GPC5: variants seen among roughly 807,000 people sequenced by gnomAD.
GPC5 encodes the protein glypican 5, also known as glypican-5.
Under a neutral mutation model 53.9 loss-of-function variants are expected in GPC5, and 47 were observed. That is an observed-to-expected ratio of 0.87 (90% CI 0.69 to 1.11). The LOEUF (loss-of-function observed/expected upper bound fraction) is 1.11. Ranked by LOEUF, GPC5 falls within the 50% of genes most tolerant of loss-of-function variation. The probability of loss-of-function intolerance (pLI) is 0.00; values close to 1 mark genes in which losing one functional copy is unlikely to be tolerated. For synonymous variants in GPC5, 286 were observed against 263.3 expected, an observed-to-expected ratio of 1.09 and a Z score of -0.84; for missense variants, 748 against 713.1, an observed-to-expected ratio of 1.05 and a Z score of -0.56.
chr13:92,020,705 A>G (rs1218203696), intron 6 of GPC5, among the ~76,000 whole-genome samples: 1 of 123,300 alleles, frequency 8.1e-6, no homozygotes, highest in Non-Finnish European at 1.7e-5. Flanking sequence ...TTTTACTATT[A>G]TGAACTTCTC....
intron 5 of GPC5, among the ~76,000 whole-genome samples, chr13:91,859,909 G>A (rs1230579805): frequency 6.6e-6 from 1 of 151,596 alleles, no homozygotes; most frequent in Non-Finnish European, 1.5e-5. Flanking sequence ...CTGTGTTATT[G>A]CCATTTTATT....
chr13:91,523,866 G>C (rs1254713288), intron 2 of GPC5, among the ~76,000 whole-genome samples: 1 of 151,774 alleles, frequency 6.6e-6, no homozygotes, highest in African/African-American at 2.4e-5. Context: ...CATAATACGA[G>C]TCACTCAAAA....
chr13:91,838,393 C>T (rs1318616964), intron 5 of GPC5, among the ~76,000 whole-genome samples: 1 of 152,052 alleles, frequency 6.6e-6, no homozygotes, highest in Non-Finnish European at 1.5e-5. Context: ...ATTTTCATAA[C>T]ACCCCTACAG....
At chr13:92,399,041 T>C (rs903115571) in intron 7 of GPC5, among the ~76,000 whole-genome samples, 8 of 152,214 alleles carry the variant, frequency 5.3e-5, no homozygotes, top group Admixed American at 4.6e-4. Flanking sequence ...CTTTCTAAAC[T>C]AGAGCTCTGC....
chr13:92,601,016 G>A (rs1040351759), intron 7 of GPC5, among the ~76,000 whole-genome samples: 1 of 152,038 alleles, frequency 6.6e-6, no homozygotes, highest in Non-Finnish European at 1.5e-5. Context: ...ATAATCTCTT[G>A]CAGGATGATT....
intron 7 of GPC5, among the ~76,000 whole-genome samples, chr13:92,786,021 T>C (rs1198278236): frequency 1.3e-5 from 2 of 152,228 alleles, no homozygotes; most frequent in East Asian, 1.9e-4. Flanking sequence ...TGTCAAAATA[T>C]GGATAGTACA....
intron 2 of GPC5, among the ~76,000 whole-genome samples, chr13:91,464,023 A>C (rs1474717088): frequency 6.6e-6 from 1 of 152,152 alleles, no homozygotes; most frequent in Non-Finnish European, 1.5e-5. Context: ...AGAATATATT[A>C]AAAATTCAAC....
At chr13:91,686,831 G>T (rs2139770853) in intron 2 of GPC5, among the ~76,000 whole-genome samples, 1 of 152,076 alleles carries the variant, frequency 6.6e-6, no homozygotes, top group African/African-American at 2.4e-5. Flanking sequence ...AAGTAGCAGA[G>T]TAGTAATGAA....
At position 91,574,903 on chromosome 13, in the gene GPC5, A is replaced by C. The variant is rs141997980; in HGVS notation, c.326-118284A>C. Among the ~76,000 whole-genome samples, 222 of 152,276 alleles carry C rather than the reference A, an allele frequency of 1.5e-3. 1 individual carries two copies. Among genetic ancestry groups the C allele is most frequent in the Middle Eastern group, 6.8e-3 (2 of 294 alleles). On this transcript the variant is annotated intron_variant, in intron 2 of 7. Transcript: ENST00000377067. ...ACCTAGTTGATCGTTAGAGTTCTGTAGGTTCAGTTTAAAATACAGATGGCT... is the reference window on the plus strand; with the variant it reads ...ACCTAGTTGATCGTTAGAGTTCTGTCGGTTCAGTTTAAAATACAGATGGCT...
chr13:92,838,232 C>G (rs1035191879), intron 7 of GPC5, among the ~76,000 whole-genome samples: 1 of 152,012 alleles, frequency 6.6e-6, no homozygotes, highest in Non-Finnish European at 1.5e-5. Context: ...CGCCTGTAAT[C>G]TCAGCACTTT....
intron 7 of GPC5, among the ~76,000 whole-genome samples, chr13:92,487,992 G>A (rs1879620265): frequency 6.6e-6 from 1 of 151,970 alleles, no homozygotes; most frequent in Non-Finnish European, 1.5e-5. Context: ...TGATTAGGGT[G>A]TTTATGTGCA....
chr13:92,212,850 A>G (rs1415121801), intron 7 of GPC5, among the ~76,000 whole-genome samples: 1 of 152,182 alleles, frequency 6.6e-6, no homozygotes, highest in African/African-American at 2.4e-5. Flanking sequence ...GCCAATGTCT[A>G]TTCCAATTAG....
intron 6 of GPC5, among the ~76,000 whole-genome samples, chr13:92,134,952 A>G (rs77350270): frequency 1.3e-5 from 2 of 152,162 alleles, no homozygotes; most frequent in East Asian, 3.9e-4. Flanking sequence ...ATACTGCATA[A>G]TGTTTGACTA....
chr13:92,693,116 A>T (rs944151776), intron 7 of GPC5, among the ~76,000 whole-genome samples: 1 of 152,068 alleles, frequency 6.6e-6, no homozygotes, highest in African/African-American at 2.4e-5. Flanking sequence ...CCATGATTGT[A>T]AGTTTCCTGA....
At chr13:91,650,311 C>T (rs2034667121) in intron 2 of GPC5, among the ~76,000 whole-genome samples, 1 of 152,132 alleles carries the variant, frequency 6.6e-6, no homozygotes, top group Non-Finnish European at 1.5e-5. Context: ...AACTACCAAT[C>T]TGTTATTCAT....
At chr13:91,886,936 A>G (rs150998974) in intron 5 of GPC5, among the ~76,000 whole-genome samples, 261 of 152,122 alleles carry the variant, frequency 1.7e-3, no homozygotes, top group African/African-American at 6.0e-3. Context: ...CTACTGTTCT[A>G]GGGTCTGGAG....
Position 92,737,451 on chromosome 13 carries a change from G to C in GPC5, c.1562-128831G>C, listed in dbSNP as rs531641979. On this transcript the variant is annotated intron_variant, in intron 7 of 7. Transcript: ENST00000377067. Reference sequence around the variant, plus strand: ...CCGGAAATTCATTTGATCCCTTCATGTAAATTGTGCCTTAAATAGAATATC... The same window carrying C: ...CCGGAAATTCATTTGATCCCTTCATCTAAATTGTGCCTTAAATAGAATATC... Among the ~76,000 whole-genome samples, 7 of 152,172 alleles carry C rather than the reference G, an allele frequency of 4.6e-5. No homozygotes were observed. In the South Asian group the frequency reaches 1.4e-3, roughly 32 times the overall value.
In GPC5 at chr13:91,571,944, TAC is replaced by T. The variant is rs201002859; in HGVS notation, c.326-121241_326-121240del. ...TATTGTATATATACACACATGTATATACATATACACACATATATGTATATATG... is the reference window on the plus strand; with the variant it reads ...TATTGTATATATACACACATGTATATATATACACACATATATGTATATATG... On this transcript the variant is annotated intron_variant, in intron 2 of 7. Transcript: ENST00000377067. Among the ~76,000 whole-genome samples, 272 of 138,434 alleles carry T rather than the reference TAC, an allele frequency of 2.0e-3. 19 individuals are homozygous for T. The highest frequency in any genetic ancestry group is 0.015 in the South Asian group (60 of 4,000). 90.8% of individuals were successfully genotyped at this position (138,434 alleles called of 152,430 possible).
chr13:92,385,347 C>CATATATACAT lies in GPC5; in HGVS notation c.1561+240364_1561+240373dup, dbSNP rs1566567164. Among the ~76,000 whole-genome samples, 170 of 86,848 alleles carry CATATATACAT rather than the reference C, an allele frequency of 2.0e-3. 2 individuals carry two copies. The highest frequency in any genetic ancestry group is 7.1e-3 in the African/African-American group (165 of 23,262). 57.0% of individuals were successfully genotyped at this position (86,848 alleles called of 152,430 possible). On this transcript the variant is annotated intron_variant, in intron 7 of 7. Transcript: ENST00000377067. The stretch of plus-strand genomic sequence containing the variant: ...ATATATACATATATACATATATATA[C>CATATATACAT]ATATATACATATATACATATATATA...
Sources: allele counts gnomAD v4.1 joint callset (sites outside exome capture counted in the v4.1 genomes callset), GRCh38; gene constraint gnomAD v4.1.1; transcripts MANE v1.5; gene names NCBI Gene and HGNC (gene_info 2026-07-23, HGNC 2026-07-21).